Variants in MYCBP2 observed in about 807,000 individuals in gnomAD.
MYCBP2 encodes E3 ubiquitin-protein ligase MYCBP2.
In MYCBP2, 120 loss-of-function variants were observed where a neutral mutation model predicts 525.3. The observed-to-expected ratio is 0.23, with a 90% CI of 0.20 to 0.27. The LOEUF (loss-of-function observed/expected upper bound fraction) is 0.27. Ranked by LOEUF, MYCBP2 falls within the 10% of genes least tolerant of loss-of-function variation. The probability of loss-of-function intolerance (pLI) is 1.00; values close to 1 mark genes in which losing one functional copy is unlikely to be tolerated. For synonymous variants in MYCBP2, 1,894 were observed against 1,955.8 expected (o/e 0.97, Z 0.83); for missense variants, 4,149 against 5,657.1 (o/e 0.73, Z 8.55).
At chr13:77,170,315 T>C (rs1226538891) in intron 38 of MYCBP2, among the ~76,000 whole-genome samples, 7 of 152,242 alleles carry the variant, frequency 4.6e-5, no homozygotes, top group Non-Finnish European at 1.0e-4. Context: ...CAGTTATCCA[T>C]GAACATGGTG....
At chr13:77,102,362 GT>G (rs1036432789) in intron 55 of MYCBP2, among the ~76,000 whole-genome samples, 40 of 151,220 alleles carry the variant, frequency 2.6e-4, no homozygotes, top group Non-Finnish European at 5.9e-4. Flanking sequence ...ACATATAGCT[GT>G]TTTATCTATT....
intron 1 of MYCBP2, among the ~76,000 whole-genome samples, 170 bp from the exon 2 acceptor site, chr13:77,296,844 T>C (rs560233963): frequency 6.2e-4 from 94 of 152,302 alleles, no homozygotes; most frequent in African/African-American, 2.0e-3. Flanking sequence ...ACATATAAAG[T>C]AGCTATTGAG....
At chr13:77,245,592 A>T (rs2069728171) in intron 15 of MYCBP2, among the ~76,000 whole-genome samples, 1 of 140,560 alleles carries the variant, frequency 7.1e-6, no homozygotes. Flanking sequence ...AACATCACAT[A>T]CTGGGGCCTG....
chr13:77,209,231 C>G (rs574475824), intron 23 of MYCBP2, among the ~76,000 whole-genome samples: 88 of 152,294 alleles, frequency 5.8e-4, no homozygotes, highest in Non-Finnish European at 1.1e-3. Flanking sequence ...AAGGTTCAAC[C>G]AGCTGAACAT....
intron 15 of MYCBP2, among the ~76,000 whole-genome samples, chr13:77,246,654 G>A (rs2154321783): frequency 6.8e-6 from 1 of 146,626 alleles, no homozygotes; most frequent in East Asian, 2.0e-4. Context: ...AGGGAGGAGG[G>A]AGAGGGGCAG....
At chr13:77,187,075 G>T (rs10400634) in intron 30 of MYCBP2, among the ~76,000 whole-genome samples, 2 of 151,940 alleles carry the variant, frequency 1.3e-5, no homozygotes, top group African/African-American at 4.8e-5. Context: ...CTCCAAAAGT[G>T]CTGGGATTAT....
At chr13:77,060,460 C>A (rs1160686216) in intron 76 of MYCBP2, among the ~76,000 whole-genome samples, 1 of 152,190 alleles carries the variant, frequency 6.6e-6, no homozygotes, top group Non-Finnish European at 1.5e-5. Flanking sequence ...GGATTTACAC[C>A]TAACTCCAAC....
intron 46 of MYCBP2, among the ~76,000 whole-genome samples, chr13:77,152,793 C>T (rs867247296): frequency 4.6e-5 from 7 of 152,090 alleles, no homozygotes; most frequent in South Asian, 2.1e-4. Flanking sequence ...TGGCTGGGCG[C>T]GGTGGCTCAC....
rs60927409 is a variant in MYCBP2, at chr13:77,183,541, C to CTTTTTTTTTTTTTTTTT, written c.4719+1545_4719+1561dup. Among the ~76,000 whole-genome samples the CTTTTTTTTTTTTTTTTT allele has an allele frequency of 3.6e-4, 24 of 66,076 alleles. 5 individuals carry two copies. The highest frequency in any genetic ancestry group is 1.7e-3 in the African/African-American group (24 of 14,112). The allele number at this position is 66,076 out of a possible 152,430, so 43.3% of individuals were successfully genotyped here. ...TTGTTTATAGTGATAGTCCCTATTT[C>CTTTTTTTTTTTTTTTTT]TTTTTTTTTTTTTTTTTTTTTTTTT... On this transcript the variant is annotated intron_variant, in intron 32 of 82. Coordinates refer to ENST00000544440, the MANE Select transcript of MYCBP2 (RefSeq NM_015057.5).
At chr13:77,198,411 TGAA>T (rs2061999566) in intron 26 of MYCBP2, among the ~76,000 whole-genome samples, 1 of 152,218 alleles carries the variant, frequency 6.6e-6, no homozygotes, top group Non-Finnish European at 1.5e-5. Flanking sequence ...ACCAGCATTA[TGAA>T]GAAGAGTGTT....
intron 74 of MYCBP2, 106 bp downstream of exon 74, chr13:77,062,486 CACTA>C: frequency 2.3e-6 from 2 of 860,266 alleles, no homozygotes; most frequent in Middle Eastern, 2.6e-4. Context: ...TCAAGAGATC[CACTA>C]ACTGTTTATG....
In MYCBP2 at chr13:77,181,885, C is replaced by T. The variant is rs748932979; in HGVS notation, c.4757G>A (p.Arg1586Gln). The T allele has an allele frequency of 3.2e-5, 52 of 1,613,748 alleles. No homozygotes were observed. Among genetic ancestry groups the T allele is most frequent in the East Asian group, 4.5e-5 (2 of 44,894 alleles). The change falls in exon 33 of 83, where the codon CGA (arginine) becomes CAA (glutamine). Residue 1586 changes from arginine to glutamine, a missense_variant. This residue lies in a region of MYCBP2 where 292 missense variants were observed against 330.5 expected (regional missense o/e 0.88). Transcript: ENST00000544440. ...QEANFKTSSS[R>Q]LLAAVMSALC... ...AGCTGACATAACAGCTGCAAGGAGTCGGCTACTTGATGTCTTGAAGTTTGC... is the reference window on the plus strand; with the variant it reads ...AGCTGACATAACAGCTGCAAGGAGTTGGCTACTTGATGTCTTGAAGTTTGC...
At chr13:77,072,214 C>T (rs780164994) in intron 68 of MYCBP2, among the ~76,000 whole-genome samples, 1 of 151,256 alleles carries the variant, frequency 6.6e-6, no homozygotes, top group Non-Finnish European at 1.5e-5. Context: ...TGGCGTGAAC[C>T]CAGGAGTCAG....
At chr13:77,165,878 A>G (rs528031046) in intron 41 of MYCBP2, among the ~76,000 whole-genome samples, 1 of 152,362 alleles carries the variant, frequency 6.6e-6, no homozygotes, top group African/African-American at 2.4e-5. Flanking sequence ...TAACTGGTTA[A>G]GAATGCAACA....
At chr13:77,195,426 G>A (rs936310156) in intron 26 of MYCBP2, among the ~76,000 whole-genome samples, 6 of 152,124 alleles carry the variant, frequency 3.9e-5, no homozygotes, top group South Asian at 2.1e-4. Flanking sequence ...GTGAAACCCC[G>A]TCTCTACTAA....
chr13:77,178,833 A>C (rs1044212408), intron 34 of MYCBP2, among the ~76,000 whole-genome samples: 12 of 152,174 alleles, frequency 7.9e-5, no homozygotes, highest in Non-Finnish European at 1.8e-4. Context: ...GTAAGTTTAA[A>C]GGGGAGAACT....
At chr13:77,195,880 C>A (rs537941350) in intron 26 of MYCBP2, among the ~76,000 whole-genome samples, 2 of 152,334 alleles carry the variant, frequency 1.3e-5, no homozygotes, top group South Asian at 4.1e-4. Flanking sequence ...TCCTCCACAG[C>A]ATGATATGAA....
intron 59 of MYCBP2, among the ~76,000 whole-genome samples, chr13:77,092,892 C>T (rs1009389031): frequency 1.3e-5 from 2 of 152,138 alleles, no homozygotes; most frequent in African/African-American, 2.4e-5. Flanking sequence ...CTCAAAGTAA[C>T]CCTTCCCTAC....
At chr13:77,078,696 T>C (rs1275096469) in intron 66 of MYCBP2, 128 bp downstream of exon 66, 1 of 707,386 alleles carries the variant, frequency 1.4e-6, no homozygotes, top group African/African-American at 1.8e-5. Context: ...GTCAATTTAG[T>C]GTTCTGTAAA....
Sources: allele counts gnomAD v4.1 joint callset (sites outside exome capture counted in the v4.1 genomes callset), GRCh38; gene constraint gnomAD v4.1.1; regional missense constraint gnomAD v4.1.1; transcripts MANE v1.5; gene names NCBI Gene and HGNC (gene_info 2026-07-23, HGNC 2026-07-21).